The following SV2C variants were observed in gnomAD, a reference collection of about 807,000 sequenced individuals.
The protein encoded by SV2C is solute carrier family 22 member B3.
SV2C carries 49 observed loss-of-function variants against 79.7 expected under a neutral mutation model. The ratio of observed to expected loss-of-function variants is 0.61; its 90% CI spans 0.49 to 0.78. SV2C has a LOEUF of 0.78. Ranked by LOEUF, SV2C falls within the 30% of genes least tolerant of loss-of-function variation. The pLI is 0.00. For synonymous variants in SV2C, 334 were observed against 333.2 expected, an observed-to-expected ratio of 1.00 and a Z score of -0.03; for missense variants, 833 against 912.9, an observed-to-expected ratio of 0.91 and a Z score of 1.13.
chr5:76,019,712 A>T, the SV2C span, among the ~76,000 whole-genome samples: 3 of 152,284 alleles, frequency 2.0e-5, no homozygotes, highest in East Asian at 5.8e-4. Context: ...GAGAGAAAAA[A>T]CATTAAAGAG....
chr5:76,264,723 G>A (rs2937723), intron 4 of SV2C, among the ~76,000 whole-genome samples: 67,363 of 152,020 alleles, frequency 0.44, 15,495 homozygotes, highest in South Asian at 0.54. Context: ...GTTTGATGGC[G>A]GTCGGCTCCA....
chr5:75,923,910 G>A, the SV2C span, among the ~76,000 whole-genome samples: 4 of 152,134 alleles, frequency 2.6e-5, no homozygotes, highest in Non-Finnish European at 5.9e-5. Flanking sequence ...ACTACTGGGT[G>A]TCTACCTAAA....
At chr5:76,192,040 G>T (rs570104596) in intron 2 of SV2C, among the ~76,000 whole-genome samples, 100 of 152,224 alleles carry the variant, frequency 6.6e-4, no homozygotes, top group Non-Finnish European at 1.1e-3. Context: ...TCATCTAGCA[G>T]GTCTTGCCTG....
chr5:75,917,070 C>T, the SV2C span, among the ~76,000 whole-genome samples: 6 of 152,228 alleles, frequency 3.9e-5, no homozygotes, highest in African/African-American at 1.4e-4. Flanking sequence ...CCTTTATTCA[C>T]TGCCTTTCCT....
rs1257937571 is a variant in SV2C at position 76,132,022 on chromosome 5, G to A, written c.272G>A (p.Gly91Glu). 6.2e-7 allele frequency: 1 copy of A among 1,612,868 alleles called. No homozygotes were observed. Among genetic ancestry groups the A allele is most frequent in the Non-Finnish European group, 8.5e-7 (1 of 1,179,400 alleles). Residue 91 changes from glycine to glutamate, a missense_variant, in exon 2 of 13, where the codon GGG becomes GAG. Gly to Glu is a moderately conservative substitution (Grantham distance 98). Coordinates refer to ENST00000502798, the MANE Select transcript of SV2C (RefSeq NM_014979.4). Reference protein sequence around the residue: ...GHDEDDEIYEGEYQGIPSMNQ... With the variant: ...GHDEDDEIYEEEYQGIPSMNQ... ...GATGAAGATGATGAGATCTATGAGG[G>A]GGAGTATCAGGGCATCCCCAGTATG...
At position 76,254,250 on chromosome 5, in the gene SV2C, A is replaced by ATGTGTG. The variant is rs1319585965; in HGVS notation, c.914-30911_914-30910insGTGTGT. On this transcript the variant is annotated intron_variant, in intron 4 of 12. Transcript: ENST00000502798. ...TATATATGTGTGTGTGTATATATAT[A>ATGTGTG]TATATATAGAGAGAGAGAGAGAGAT... Among the ~76,000 whole-genome samples, 3 of 149,442 alleles carry ATGTGTG rather than the reference A, an allele frequency of 2.0e-5. No homozygotes were observed. The South Asian group carries it at 6.3e-4, about 32-fold the overall frequency.
intron 4 of SV2C, among the ~76,000 whole-genome samples, chr5:76,225,412 C>G (rs73115519): frequency 0.033 from 5,062 of 152,244 alleles, 263 homozygotes; most frequent in African/African-American, 0.11. Context: ...AAGGGAGTTA[C>G]TTGGGGCTTG....
rs542628370 is a variant in SV2C at position 76,153,076 on chromosome 5, G to A, written c.580+20746G>A. On this transcript the variant is annotated intron_variant, in intron 2 of 12. Coordinates refer to ENST00000502798, the MANE Select transcript of SV2C (RefSeq NM_014979.4). ...AGAACCCAGGAAAGGCCAGGGTACT[G>A]CCAAATTCTCTCCAGCCTGGGAACG... Among the ~76,000 whole-genome samples, 11 of 152,286 alleles carry A rather than the reference G, an allele frequency of 7.2e-5. No homozygotes were observed. The East Asian group carries it at 2.1e-3, about 29-fold the overall frequency.
the SV2C span, among the ~76,000 whole-genome samples, chr5:76,006,791 G>T: frequency 2.3e-5 from 3 of 128,574 alleles, no homozygotes; most frequent in Admixed American, 7.7e-5. Context: ...CTCTATCATT[G>T]TTGTTCCTCT....
the SV2C span, among the ~76,000 whole-genome samples, chr5:75,928,386 G>A: frequency 2.6e-4 from 39 of 152,266 alleles, no homozygotes; most frequent in South Asian, 2.3e-3. Flanking sequence ...GAAAACGCCC[G>A]GGAGATGATG....
the SV2C span, among the ~76,000 whole-genome samples, chr5:76,043,572 A>G: frequency 6.6e-6 from 1 of 152,182 alleles, no homozygotes; most frequent in African/African-American, 2.4e-5. Context: ...CTTAGTAATA[A>G]TCTCCCAACC....
the SV2C span, among the ~76,000 whole-genome samples, chr5:76,049,473 A>G: frequency 6.6e-6 from 1 of 152,246 alleles, no homozygotes; most frequent in Non-Finnish European, 1.5e-5. Context: ...CATCTTACTA[A>G]TCAATGAGCT....
chr5:76,336,099 T>G (rs185027), downstream of SV2C, among the ~76,000 whole-genome samples: 64 of 42,474 alleles, frequency 1.5e-3, 1 homozygote, highest in Non-Finnish European at 3.7e-3. Context: ...CGGGCGGGGG[T>G]CTGACCCCCC....
the SV2C span, among the ~76,000 whole-genome samples, chr5:76,008,317 T>C: frequency 6.6e-6 from 1 of 152,160 alleles, no homozygotes; most frequent in Non-Finnish European, 1.5e-5. Flanking sequence ...TACTTTATGC[T>C]GATGTTGACT....
chr5:75,933,622 G>A, the SV2C span, among the ~76,000 whole-genome samples: 1 of 152,192 alleles, frequency 6.6e-6, no homozygotes, highest in African/African-American at 2.4e-5. Context: ...TAGCACCGTA[G>A]CCAGTTGCCC....
chr5:76,204,002 C>G (rs1390509912), intron 3 of SV2C, among the ~76,000 whole-genome samples: 1 of 152,178 alleles, frequency 6.6e-6, no homozygotes, highest in Non-Finnish European at 1.5e-5. Flanking sequence ...ATCTATATAG[C>G]AACCTTATTT....
the SV2C span, among the ~76,000 whole-genome samples, chr5:75,951,832 C>T: frequency 2.0e-5 from 3 of 152,030 alleles, no homozygotes; most frequent in Non-Finnish European, 2.9e-5. Flanking sequence ...CACCACGCTT[C>T]TTCCAACAAC....
At chr5:75,998,222 AG>A in the SV2C span, among the ~76,000 whole-genome samples, 1 of 152,194 alleles carries the variant, frequency 6.6e-6, no homozygotes, top group African/African-American at 2.4e-5. Flanking sequence ...GGATAGCATT[AG>A]GAGATATACC....
At chr5:76,171,988 G>C (rs1580326484) in intron 2 of SV2C, among the ~76,000 whole-genome samples, 1 of 133,522 alleles carries the variant, frequency 7.5e-6, no homozygotes, top group East Asian at 2.3e-4. Flanking sequence ...GGGAGGTGGG[G>C]GGGGTCAGCC....
Sources: allele counts gnomAD v4.1 joint callset (sites outside exome capture counted in the v4.1 genomes callset), GRCh38; gene constraint gnomAD v4.1.1; transcripts MANE v1.5; gene names NCBI Gene and HGNC (gene_info 2026-07-23, HGNC 2026-07-21).